The following NAALADL2 variants were observed in gnomAD, a reference collection of about 807,000 sequenced individuals.
NAALADL2 encodes N-acetylated alpha-linked acidic dipeptidase like 2, also known as inactive N-acetylated-alpha-linked acidic dipeptidase-like protein 2.
A neutral mutation model predicts 87.2 loss-of-function variants in NAALADL2; 76 were observed. The observed-to-expected ratio is 0.87, with a 90% CI of 0.72 to 1.05. NAALADL2 has a LOEUF of 1.05. Ranked by LOEUF, NAALADL2 falls within the 50% of genes least tolerant of loss-of-function variation. NAALADL2 has a pLI of 0.00. For synonymous variants in NAALADL2, 354 were observed against 331.0 expected, an observed-to-expected ratio of 1.07 and a Z score of -0.75; for missense variants, 1,089 against 945.8, an observed-to-expected ratio of 1.15 and a Z score of -1.99.
At chr3:175,583,644 G>A (rs62284488) in intron 10 of NAALADL2, among the ~76,000 whole-genome samples, 17,063 of 152,088 alleles carry the variant, frequency 0.11, 1,234 homozygotes, top group Middle Eastern at 0.17. Context: ...TAATGTATAG[G>A]GCAAGAAAGA....
intron 3 of NAALADL2, among the ~76,000 whole-genome samples, chr3:174,768,152 T>C (rs1389018601): frequency 6.6e-6 from 1 of 152,192 alleles, no homozygotes; most frequent in Non-Finnish European, 1.5e-5. Flanking sequence ...TTATTTACTT[T>C]AGTGTTAGTA....
chr3:175,261,082 G>A (rs1750942302), intron 4 of NAALADL2, among the ~76,000 whole-genome samples: 1 of 152,070 alleles, frequency 6.6e-6, no homozygotes, highest in South Asian at 2.1e-4. Flanking sequence ...TGAAGACTTA[G>A]AGGAAAGGCT....
chr3:175,516,504 G>A (rs980185026), intron 9 of NAALADL2, among the ~76,000 whole-genome samples: 10 of 152,076 alleles, frequency 6.6e-5, no homozygotes, highest in Non-Finnish European at 1.5e-4. Flanking sequence ...TTTAAAGGTC[G>A]GGGATTCAAT....
intron 5 of NAALADL2, among the ~76,000 whole-genome samples, chr3:175,430,859 C>T (rs978405500): frequency 2.6e-5 from 4 of 151,974 alleles, no homozygotes; most frequent in African/African-American, 9.7e-5. Flanking sequence ...TTTATAATTT[C>T]CTGTTGCTTA....
intron 9 of NAALADL2, among the ~76,000 whole-genome samples, chr3:175,494,623 G>A (rs921487633): frequency 6.6e-6 from 1 of 151,824 alleles, no homozygotes; most frequent in South Asian, 2.1e-4. Flanking sequence ...ATGCTTTTTC[G>A]TTATGAAAAA....
At chr3:174,776,305 A>G (rs565095628) in intron 3 of NAALADL2, among the ~76,000 whole-genome samples, 12 of 152,264 alleles carry the variant, frequency 7.9e-5, no homozygotes, top group African/African-American at 2.9e-4. Flanking sequence ...CGCAAAGTGT[A>G]TACGATCTGG....
intron 10 of NAALADL2, among the ~76,000 whole-genome samples, chr3:175,582,960 G>A (rs1018672203): frequency 1.3e-5 from 2 of 152,060 alleles, no homozygotes; most frequent in African/African-American, 4.8e-5. Context: ...ATGCTTGCGT[G>A]GAGTCAACTA....
intron 4 of NAALADL2, among the ~76,000 whole-genome samples, chr3:175,268,317 A>G (rs1752279413): frequency 6.6e-6 from 1 of 152,176 alleles, no homozygotes; most frequent in African/African-American, 2.4e-5. Context: ...GAAAAAGTAC[A>G]GTAAAAATAT....
rs1163373340 is a variant in NAALADL2 at position 174,763,586 on chromosome 3, C to CAAAAAAAAAAAA, written c.-9+25844_-9+25855dup. 5.0e-3 allele frequency among the ~76,000 whole-genome samples: 242 copies of CAAAAAAAAAAAA among 48,334 alleles called. 43 individuals are homozygous for CAAAAAAAAAAAA. Among genetic ancestry groups the CAAAAAAAAAAAA allele is most frequent in the African/African-American group, 0.016 (164 of 10,134 alleles). 31.7% of individuals were successfully genotyped at this position (48,334 alleles called of 152,430 possible). A position where few individuals can be genotyped will look rare whatever the true frequency, so the allele number is the denominator to read the frequency against. Reference sequence around the variant, plus strand: ...TGGGCTACAGAGCGAGACTCCATCTCAAAAAAAAAAAAAAAGACTAAAATG... The same window carrying CAAAAAAAAAAAA: ...TGGGCTACAGAGCGAGACTCCATCTCAAAAAAAAAAAAAAAAAAAAAAAAAAAGACTAAAATG... On this transcript the variant is annotated intron_variant, in intron 3 of 3. Coordinates refer to the NAALADL2 transcript ENST00000434257.
At chr3:175,763,822 C>T (rs534532126) in intron 13 of NAALADL2, among the ~76,000 whole-genome samples, 2 of 151,852 alleles carry the variant, frequency 1.3e-5, no homozygotes, top group South Asian at 4.1e-4. Flanking sequence ...TTCCCTTCCT[C>T]CCCATTCTAA....
At chr3:175,075,889 G>A (rs74973946) in intron 1 of NAALADL2, among the ~76,000 whole-genome samples, 3,105 of 152,232 alleles carry the variant, frequency 0.02, 48 homozygotes, top group Non-Finnish European at 0.03. Flanking sequence ...AAATTGATTA[G>A]CTGGGTAGTA....
At chr3:175,560,853 C>A (rs1716156520) in intron 9 of NAALADL2, among the ~76,000 whole-genome samples, 1 of 152,284 alleles carries the variant, frequency 6.6e-6, no homozygotes, top group South Asian at 2.1e-4. Context: ...ATCTCTTGAC[C>A]TCATGATCCA....
At chr3:174,785,217 C>A (rs1716500332) in intron 3 of NAALADL2, among the ~76,000 whole-genome samples, 1 of 152,084 alleles carries the variant, frequency 6.6e-6, no homozygotes, top group African/African-American at 2.4e-5. Flanking sequence ...TTTACTGTTG[C>A]CATCCCTTTG....
chr3:175,234,924 T>C (rs62285902), intron 3 of NAALADL2: 22,839 of 152,170 alleles, frequency 0.15, 2,177 homozygotes, highest in Admixed American at 0.25. Context: ...TATATGTAAA[T>C]CTAGGAGGAC....
In NAALADL2 at chr3:174,625,057, C is replaced by CTCTCTCTTTT. The variant is rs748895219; in HGVS notation, c.-115+74421_-115+74422insCTCTCTTTTT. On this transcript the variant is annotated intron_variant, in intron 2 of 3. Coordinates refer to the NAALADL2 transcript ENST00000434257. ...TATTTATTGCTATCTCTCTCTCTCT[C>CTCTCTCTTTT]TTTTTTTTTTTTTTTTTTTGAGACA... Among the ~76,000 whole-genome samples, 30 of 78,860 alleles carry CTCTCTCTTTT rather than the reference C, an allele frequency of 3.8e-4. No homozygotes were observed. In the East Asian group the frequency reaches 0.01, roughly 27 times the overall value. 51.7% of individuals were successfully genotyped at this position (78,860 alleles called of 152,430 possible).
Position 175,324,221 on chromosome 3 carries a change from T to G in NAALADL2, c.986T>G (p.Ile329Ser). The G allele has an allele frequency of 6.2e-7, 1 of 1,613,782 alleles. No individual in the cohort carries two copies. Residue 329 changes from isoleucine to serine, a missense_variant, in exon 5 of 14, where the codon ATC becomes AGC. Transcript: ENST00000454872. ...KAGFGGVLLY[I>S]DPCDLPKTVN... is the part of the protein sequence containing the mutation. ...GGATTTGGAGGTGTTCTTCTGTATA[T>G]CGATCCTTGTGATTTGCCAAAGACT...
At chr3:175,287,182 A>G (rs983523041) in intron 4 of NAALADL2, among the ~76,000 whole-genome samples, 4 of 152,196 alleles carry the variant, frequency 2.6e-5, no homozygotes, top group Admixed American at 6.5e-5. Flanking sequence ...AGTGTTAACT[A>G]TTTCCCCATG....
chr3:174,782,635 GA>G (rs1209389939), intron 3 of NAALADL2, among the ~76,000 whole-genome samples: 1 of 152,024 alleles, frequency 6.6e-6, no homozygotes, highest in Admixed American at 6.6e-5. Context: ...TAATTTAAAA[GA>G]AAAAAGGTTT....
chr3:175,063,019 C>CTTAACATAT (rs1466596515), intron 1 of NAALADL2, among the ~76,000 whole-genome samples: 1 of 152,136 alleles, frequency 6.6e-6, no homozygotes, highest in East Asian at 1.9e-4. Flanking sequence ...GTATTTCATA[C>CTTAACATAT]TTAACATATT....
Sources: gnomAD v4.1 joint callset for allele counts (sites outside exome capture counted in the v4.1 genomes callset) on GRCh38, gnomAD v4.1.1 for gene constraint, MANE v1.5 for transcripts, NCBI Gene and HGNC (gene_info 2026-07-23, HGNC 2026-07-21) for gene names.